The following MAL variants were observed in gnomAD, a reference collection of about 807,000 sequenced individuals.
MAL encodes mal, T cell differentiation protein (MAL blood group).
MAL carries 5 observed loss-of-function variants against 16.7 expected under a neutral mutation model. That is an observed-to-expected ratio of 0.30 (90% CI 0.16 to 0.63). The LOEUF (loss-of-function observed/expected upper bound fraction) is 0.63. Among genes scored for constraint, MAL ranks in the 30% least tolerant of loss-of-function variants. The pLI is 0.82. For synonymous variants in MAL, 96 were observed against 85.5 expected (o/e 1.12, Z -0.67); for missense variants, 202 against 195.8 (o/e 1.03, Z -0.19).
intron 1 of MAL, among the ~76,000 whole-genome samples, chr2:95,032,100 G>A (rs1674098345): frequency 6.6e-6 from 1 of 152,268 alleles, no homozygotes; most frequent in Non-Finnish European, 1.5e-5. Flanking sequence ...GCCAGAACTG[G>A]TGCAAAGGCA....
At position 95,041,438 on chromosome 2, in the gene MAL, G is replaced by T. The variant is rs560602187; in HGVS notation, c.94-6521G>T. ...CAAGTTTTGGAGTAGATGATTGTGT[G>T]TATTGAGATCATATTCAGACTGCTG... On this transcript the variant is annotated intron_variant, in intron 1 of 3. Coordinates refer to ENST00000309988, the MANE Select transcript of MAL (RefSeq NM_002371.4). Among the ~76,000 whole-genome samples, 17 of 152,296 alleles carry T rather than the reference G, an allele frequency of 1.1e-4. No homozygotes were observed. The South Asian group carries it at 2.7e-3, about 24-fold the overall frequency.
chr2:95,030,777 G>A (rs1409587646), intron 1 of MAL, among the ~76,000 whole-genome samples: 8 of 152,202 alleles, frequency 5.3e-5, no homozygotes, highest in Admixed American at 3.3e-4. Context: ...GTCACATCAC[G>A]GGTTGGGGTT....
chr2:95,049,357 G>C (rs1261130099), intron 2 of MAL, among the ~76,000 whole-genome samples: 3 of 152,106 alleles, frequency 2.0e-5, no homozygotes, highest in Non-Finnish European at 4.4e-5. Flanking sequence ...CCTCAGGGGA[G>C]ACCAGTGTCC....
intron 3 of MAL, among the ~76,000 whole-genome samples, chr2:95,052,612 A>C (rs1399020223): frequency 2.0e-5 from 3 of 152,152 alleles, no homozygotes; most frequent in Admixed American, 2.0e-4. Flanking sequence ...CCCCTAACCA[A>C]GGTCACAAAA....
At chr2:95,049,486 G>T (rs1365069412) in intron 2 of MAL, 95 bp from the exon 3 acceptor site, 3 of 1,495,790 alleles carry the variant, frequency 2.0e-6, no homozygotes, top group East Asian at 2.3e-5. Context: ...GGAAGTGGGG[G>T]GAGAGGCAAG....
rs138435313 is a variant in MAL, at chr2:95,025,813, G to A, written c.21G>A (p.Thr7=). ...CCGTCATGGCCCCCGCAGCGGCGACGGGGGGCAGCACCCTGCCCAGTGGCT... is the reference window on the plus strand; with the variant it reads ...CCGTCATGGCCCCCGCAGCGGCGACAGGGGGCAGCACCCTGCCCAGTGGCT... The part of the protein sequence containing the change: MAPAAA[T]GGSTLPSGFS... Residue 7 remains threonine, a synonymous_variant, in exon 1 of 4, where the codon ACG becomes ACA. Transcript: ENST00000309988. This position sits in a 1 kb window ranked among gnomAD's most constrained non-coding sequence, Gnocchi z 5.6. 512 of 1,561,456 alleles carry A rather than the reference G, an allele frequency of 3.3e-4. No individual in the cohort carries two copies. Among genetic ancestry groups the A allele is most frequent in the Non-Finnish European group, 4.3e-4 (498 of 1,154,120 alleles).
At chr2:95,026,514 G>A (rs1007800474) in intron 1 of MAL, 3 of 134,078 alleles carry the variant, frequency 2.2e-5, no homozygotes, top group African/African-American at 8.0e-5. Flanking sequence ...TGGGGGGTGG[G>A]GGGTGGGGGG....
chr2:95,030,753 C>T (rs763380581), intron 1 of MAL, among the ~76,000 whole-genome samples: 7 of 152,322 alleles, frequency 4.6e-5, no homozygotes, highest in African/African-American at 9.6e-5. Context: ...CTCAGAAACA[C>T]GAACAGAAGT....
At chr2:95,038,839 A>G (rs1179287881) in intron 1 of MAL, among the ~76,000 whole-genome samples, 1 of 142,404 alleles carries the variant, frequency 7.0e-6, no homozygotes, top group African/African-American at 2.7e-5. Context: ...TGAGCAAGTG[A>G]GTGAATGACC....
At chr2:95,047,043 G>GAGAA (rs1391595814) in intron 1 of MAL, among the ~76,000 whole-genome samples, 1 of 151,970 alleles carries the variant, frequency 6.6e-6, no homozygotes, top group Non-Finnish European at 1.5e-5. Flanking sequence ...AAGAGAGAGA[G>GAGAA]AGAAAGAAAG....
intron 1 of MAL, among the ~76,000 whole-genome samples, chr2:95,034,256 A>G (rs1573288748): frequency 6.6e-6 from 1 of 152,152 alleles, no homozygotes; most frequent in African/African-American, 2.4e-5. Flanking sequence ...CCTCTCACCA[A>G]GAAGGAACAA....
At chr2:95,045,994 A>C (rs1674578110) in intron 1 of MAL, among the ~76,000 whole-genome samples, 1 of 152,234 alleles carries the variant, frequency 6.6e-6, no homozygotes, top group African/African-American at 2.4e-5. Context: ...CCTAAGATCC[A>C]TCAGCAGAGG....
In MAL at chr2:95,025,718, G is replaced by A; in HGVS notation, c.-75G>A. On this transcript the variant is annotated 5_prime_UTR_variant, in exon 1 of 4. Coordinates refer to ENST00000309988, the MANE Select transcript of MAL (RefSeq NM_002371.4). This position sits in a 1 kb window ranked among gnomAD's most constrained non-coding sequence, Gnocchi z 5.6. Reference sequence around the variant, plus strand: ...GGGGGCGCCCAGGCCACTGGGCTCCGCGGAGCCAGCGAGAGGTCTGCGCGG... The same window carrying A: ...GGGGGCGCCCAGGCCACTGGGCTCCACGGAGCCAGCGAGAGGTCTGCGCGG... 3 of 1,056,196 alleles carry A rather than the reference G, an allele frequency of 2.8e-6. No individual in the cohort carries two copies. The highest frequency in any genetic ancestry group is 3.9e-6 in the Non-Finnish European group (3 of 769,952). The allele number at this position is 1,056,196 out of a possible 1,614,324, so 65.4% of individuals were successfully genotyped here. A position where few individuals can be genotyped will look rare whatever the true frequency, so the allele number is the denominator to read the frequency against.
chr2:95,032,982 C>G (rs1674122342), intron 1 of MAL, among the ~76,000 whole-genome samples: 1 of 152,242 alleles, frequency 6.6e-6, no homozygotes, highest in African/African-American at 2.4e-5. Flanking sequence ...CACAGCACCT[C>G]CGCAGCGGGA....
chr2:95,036,781 G>A (rs1674219610), intron 1 of MAL, among the ~76,000 whole-genome samples: 1 of 151,930 alleles, frequency 6.6e-6, no homozygotes, highest in African/African-American at 2.4e-5. Flanking sequence ...GAGTGACTGA[G>A]TGAGTGACTG....
At position 95,047,822 on chromosome 2, in the gene MAL, A is replaced by G. The variant is rs1056579453; in HGVS notation, c.94-137A>G. On this transcript the variant is annotated intron_variant, in intron 1 of 3. Coordinates refer to ENST00000309988, the MANE Select transcript of MAL (RefSeq NM_002371.4). ...GACTAAAGATGCATTTTTGCAGAGG[A>G]AAATGCCTGCCCTGTTCTCTTTGCC... The G allele has an allele frequency of 8.7e-6, 7 of 800,658 alleles. No homozygotes were observed. The Middle Eastern group carries it at 1.5e-3, about 169-fold the overall frequency. The allele number at this position is 800,658 out of a possible 1,614,324, so 49.6% of individuals were successfully genotyped here.
intron 1 of MAL, among the ~76,000 whole-genome samples, chr2:95,030,155 C>T (rs1443014482): frequency 3.9e-5 from 6 of 152,194 alleles, no homozygotes; most frequent in Non-Finnish European, 7.3e-5. Flanking sequence ...CTTGGCCCAG[C>T]ACCCCTATCC....
chr2:95,049,278 A>G (rs1674660303), intron 2 of MAL, among the ~76,000 whole-genome samples: 3 of 152,190 alleles, frequency 2.0e-5, no homozygotes, highest in Admixed American at 2.0e-4. Flanking sequence ...CACTTCTCAG[A>G]TCCAGGACCA....
At chr2:95,036,961 C>G (rs1316516937) in intron 1 of MAL, among the ~76,000 whole-genome samples, 36 of 94,224 alleles carry the variant, frequency 3.8e-4, no homozygotes, top group South Asian at 1.0e-3. Context: ...GACTGAGTGA[C>G]TGAGTGACCG....
Sources: allele counts gnomAD v4.1 joint callset (sites outside exome capture counted in the v4.1 genomes callset), GRCh38; gene constraint gnomAD v4.1.1; non-coding constraint Gnocchi (gnomAD v3.1); transcripts MANE v1.5; gene names NCBI Gene and HGNC (gene_info 2026-07-23, HGNC 2026-07-21).